Variants in TMEM132D observed in about 807,000 individuals in gnomAD.
TMEM132D encodes mature OL transmembrane protein.
A neutral mutation model predicts 62.3 loss-of-function variants in TMEM132D; 21 were observed. The observed-to-expected ratio is 0.34, with a 90% CI of 0.24 to 0.49. The LOEUF (loss-of-function observed/expected upper bound fraction) is 0.49, where lower values mean the gene tolerates loss of function less well. Ranked by LOEUF, TMEM132D falls within the 20% of genes least tolerant of loss-of-function variation. The pLI is 0.99. For missense variants in TMEM132D, 1,346 were observed against 1,402.8 expected (o/e 0.96, Z 0.65); for synonymous variants, 621 against 575.6 (o/e 1.08, Z -1.13).
intron 4 of TMEM132D, among the ~76,000 whole-genome samples, chr12:129,323,905 A>G (rs971601223): frequency 3.4e-5 from 2 of 58,896 alleles, no homozygotes; most frequent in Non-Finnish European, 7.3e-5. Context: ...TATAGGAAGT[A>G]GGTTTTATTT....
At chr12:129,126,390 G>A (rs902536622) in intron 5 of TMEM132D, among the ~76,000 whole-genome samples, 13 of 135,756 alleles carry the variant, frequency 9.6e-5, no homozygotes, top group African/African-American at 3.7e-4. Flanking sequence ...AATCCTGTTT[G>A]CATTTTTTGG....
chr12:129,516,431 G>A (rs555897743), intron 3 of TMEM132D, among the ~76,000 whole-genome samples: 4 of 152,310 alleles, frequency 2.6e-5, no homozygotes, highest in African/African-American at 7.2e-5. Context: ...GTTCCACGTG[G>A]CTGGGGAGGC....
At chr12:129,719,061 A>C (rs1868704755) in intron 1 of TMEM132D, among the ~76,000 whole-genome samples, 1 of 142,034 alleles carries the variant, frequency 7.0e-6, no homozygotes, top group Non-Finnish European at 1.5e-5. Context: ...ACATGGCGAG[A>C]CCTCCTCTCT....
In TMEM132D at chr12:129,073,950, C is replaced by T. The variant is rs746410485; in HGVS notation, c.3225G>A (p.Trp1075Ter). The part of the protein sequence containing the change: ...IVMSSEDDIK[W>*]VCQDLDPGDC... Reference sequence around the variant, plus strand: ...CCCCAGGGTCCAGATCCTGGCAGACCCACTTAATGTCATCCTCGCTACTCA... The same window carrying T: ...CCCCAGGGTCCAGATCCTGGCAGACTCACTTAATGTCATCCTCGCTACTCA... Residue 1075 changes from tryptophan (W) to a stop codon, truncating the protein, a stop_gained, in exon 9 of 9, where the codon TGG becomes TGA. Coordinates refer to ENST00000422113, the MANE Select transcript of TMEM132D (RefSeq NM_133448.3). LOFTEE classifies it low-confidence loss of function (END_TRUNC). 1 of 1,608,360 alleles carries T rather than the reference C, an allele frequency of 6.2e-7. No homozygotes were observed. Among genetic ancestry groups the T allele is most frequent in the Non-Finnish European group, 8.5e-7 (1 of 1,176,940 alleles).
chr12:129,532,704 C>T (rs568271240), intron 2 of TMEM132D, among the ~76,000 whole-genome samples: 1 of 152,230 alleles, frequency 6.6e-6, no homozygotes, highest in South Asian at 2.1e-4. Context: ...ATGCTGGACA[C>T]TTTGTTGTCT....
chr12:129,418,138 T>A (rs888964190), intron 3 of TMEM132D, among the ~76,000 whole-genome samples: 17 of 152,260 alleles, frequency 1.1e-4, no homozygotes, highest in African/African-American at 4.1e-4. Context: ...GGTTGCATTG[T>A]GGAAGACAGT....
At chr12:129,571,876 A>C (rs960602648) in intron 2 of TMEM132D, among the ~76,000 whole-genome samples, 3 of 152,178 alleles carry the variant, frequency 2.0e-5, no homozygotes, top group African/African-American at 7.2e-5. Flanking sequence ...AAAAAAGCAA[A>C]AGCTCCTTCC....
chr12:129,162,867 C>G (rs749843905), intron 5 of TMEM132D, among the ~76,000 whole-genome samples: 1 of 152,174 alleles, frequency 6.6e-6, no homozygotes, highest in Non-Finnish European at 1.5e-5. Flanking sequence ...TTCTTTATAG[C>G]AAGGAAAGAA....
At chr12:129,374,901 C>A (rs1393975692) in intron 3 of TMEM132D, among the ~76,000 whole-genome samples, 1 of 152,152 alleles carries the variant, frequency 6.6e-6, no homozygotes, top group Non-Finnish European at 1.5e-5. Flanking sequence ...CCTTGGAGAA[C>A]AGCCCACCCA....
intron 5 of TMEM132D, among the ~76,000 whole-genome samples, chr12:129,132,423 A>G (rs1291363848): frequency 6.6e-6 from 1 of 152,244 alleles, no homozygotes; most frequent in Non-Finnish European, 1.5e-5. Flanking sequence ...CAAACAAAAA[A>G]ATAGGCCATT....
intron 5 of TMEM132D, among the ~76,000 whole-genome samples, chr12:129,174,005 A>C (rs376907806): frequency 5.5e-4 from 83 of 152,196 alleles, no homozygotes; most frequent in African/African-American, 1.8e-3. Flanking sequence ...ATACGAATTT[A>C]TTTTAATAAA....
chr12:129,793,929 G>C (rs891545721), intron 1 of TMEM132D, among the ~76,000 whole-genome samples: 1 of 152,054 alleles, frequency 6.6e-6, no homozygotes, highest in African/African-American at 2.4e-5. Context: ...ATTTTTGTTT[G>C]TAAGTATTAA....
At chr12:129,116,439 G>C (rs939243487) in intron 5 of TMEM132D, among the ~76,000 whole-genome samples, 2 of 151,808 alleles carry the variant, frequency 1.3e-5, no homozygotes, top group Non-Finnish European at 2.9e-5. Flanking sequence ...AAAGACCCTG[G>C]GAAGAAAATG....
intron 1 of TMEM132D, among the ~76,000 whole-genome samples, chr12:129,764,405 G>A (rs1244368638): frequency 6.6e-6 from 1 of 152,114 alleles, no homozygotes; most frequent in Non-Finnish European, 1.5e-5. Context: ...CAGCACAACA[G>A]GAAAATAATT....
chr12:129,575,446 T>C (rs1877634491), intron 2 of TMEM132D, among the ~76,000 whole-genome samples: 2 of 151,984 alleles, frequency 1.3e-5, no homozygotes, highest in South Asian at 4.1e-4. Flanking sequence ...AATGTGAAGA[T>C]ATCCTTGACT....
chr12:129,839,116 A>ACTTTTTTTTTT (rs1224483461), intron 1 of TMEM132D, among the ~76,000 whole-genome samples: 2 of 6,448 alleles, frequency 3.1e-4, no homozygotes, highest in Non-Finnish European at 7.4e-4. Context: ...ACGCCTGGCT[A>ACTTTTTTTTTT]ATTTTTTTTT....
At chr12:129,859,491 A>G (rs963170200) in intron 1 of TMEM132D, among the ~76,000 whole-genome samples, 2 of 152,224 alleles carry the variant, frequency 1.3e-5, no homozygotes, top group African/African-American at 4.8e-5. Context: ...AAGGATGCCT[A>G]TAATACTTTG....
intron 1 of TMEM132D, among the ~76,000 whole-genome samples, chr12:129,774,176 G>A (rs2137285215): frequency 6.6e-6 from 1 of 152,172 alleles, no homozygotes; most frequent in East Asian, 1.9e-4. Flanking sequence ...TGTGTCCCAG[G>A]CCCCCCCAAA....
At chr12:129,638,984 C>T (rs893647930) in intron 2 of TMEM132D, among the ~76,000 whole-genome samples, 4 of 152,114 alleles carry the variant, frequency 2.6e-5, no homozygotes, top group Non-Finnish European at 5.9e-5. Flanking sequence ...CGAGAGGATA[C>T]ATTTCCAACC....
Sources: gnomAD v4.1 joint callset for allele counts (sites outside exome capture counted in the v4.1 genomes callset) on GRCh38, gnomAD v4.1.1 for gene constraint, MANE v1.5 for transcripts, NCBI Gene and HGNC (gene_info 2026-07-23, HGNC 2026-07-21) for gene names.